The following APOLD1 variants were observed in gnomAD, a reference collection of about 807,000 sequenced individuals.
APOLD1 encodes apolipoprotein L domain containing 1, also known as apolipoprotein L domain-containing protein 1.
APOLD1 carries 22 observed loss-of-function variants against 15.3 expected under a neutral mutation model. That is an observed-to-expected ratio of 1.44 (90% confidence interval 1.03 to 2.05). The LOEUF (loss-of-function observed/expected upper bound fraction) is 2.05. Ranked by LOEUF, APOLD1 falls within the 30% of genes most tolerant of loss-of-function variation. The pLI is 0.00. For synonymous variants in APOLD1, 190 were observed against 167.4 expected (o/e 1.13, Z -1.04); for missense variants, 394 against 353.5 (o/e 1.11, Z -0.92).
intron 1 of APOLD1, among the ~76,000 whole-genome samples, chr12:12,748,560 G>A (rs922126092): frequency 4.6e-5 from 7 of 152,186 alleles, no homozygotes; most frequent in African/African-American, 1.7e-4. Context: ...CATACAATGT[G>A]TGATGATCAG....
intron 1 of APOLD1, among the ~76,000 whole-genome samples, chr12:12,755,845 TAAAC>T (rs1486233602): frequency 1.3e-5 from 2 of 152,092 alleles, no homozygotes; most frequent in African/African-American, 4.8e-5. Flanking sequence ...TGTCTCAAAA[TAAAC>T]AAACAAAAAA....
At chr12:12,758,153 T>G (rs183701383) in intron 1 of APOLD1, among the ~76,000 whole-genome samples, 30 of 150,394 alleles carry the variant, frequency 2.0e-4, no homozygotes, top group Non-Finnish European at 2.8e-4. Flanking sequence ...AGCCAGGATG[T>G]TCTCCATCTC....
upstream of APOLD1, among the ~76,000 whole-genome samples, chr12:12,782,921 G>C (rs1947093643): frequency 2.0e-5 from 3 of 152,192 alleles, no homozygotes; most frequent in Admixed American, 6.5e-5. Context: ...TTAAACAAAT[G>C]CTGGCTGGGC....
intron 1 of APOLD1, among the ~76,000 whole-genome samples, chr12:12,749,964 C>A (rs1175255662): frequency 1.3e-5 from 2 of 152,108 alleles, no homozygotes; most frequent in African/African-American, 4.8e-5. Flanking sequence ...CTTGGAGGCC[C>A]TGAAGGAAAT....
intron 1 of APOLD1, among the ~76,000 whole-genome samples, chr12:12,744,987 TTCTC>T (rs1946754795): frequency 1.3e-5 from 2 of 152,238 alleles, no homozygotes; most frequent in Non-Finnish European, 2.9e-5. Context: ...AAGCTTTTTC[TTCTC>T]TCTACTTCTG....
At chr12:12,779,473 A>G (rs988025667) in intron 1 of APOLD1, among the ~76,000 whole-genome samples, 1 of 152,188 alleles carries the variant, frequency 6.6e-6, no homozygotes, top group African/African-American at 2.4e-5. Context: ...TTCTGCCTCT[A>G]TTCTTACAAA....
rs1034577616 is a variant in APOLD1 at position 12,770,148 on chromosome 12, G to A, written c.97-16761G>A. Among the ~76,000 whole-genome samples, 8 of 152,258 alleles carry A rather than the reference G, an allele frequency of 5.3e-5. No homozygotes were observed. The South Asian group carries it at 8.3e-4, about 16-fold the overall frequency. ...AGAGAGGCCGGGGGCGGTGGCTCACGTCTGTAATCCCAGCACTTTGGGAGG... is the reference window on the plus strand; with the variant it reads ...AGAGAGGCCGGGGGCGGTGGCTCACATCTGTAATCCCAGCACTTTGGGAGG... On this transcript the variant is annotated intron_variant, in intron 1 of 1. Coordinates refer to the APOLD1 transcript ENST00000326765.
intron 1 of APOLD1, among the ~76,000 whole-genome samples, chr12:12,738,155 T>C (rs565132204): frequency 2.0e-5 from 3 of 150,972 alleles, no homozygotes; most frequent in Non-Finnish European, 4.4e-5. Context: ...CTGCCACTCC[T>C]ACACATGAGG....
upstream of APOLD1, among the ~76,000 whole-genome samples, chr12:12,783,888 C>T (rs527845213): frequency 6.6e-6 from 1 of 152,180 alleles, no homozygotes; most frequent in African/African-American, 2.4e-5. Flanking sequence ...CCCTCCTCTG[C>T]CTCCCAAAGT....
chr12:12,755,567 G>A (rs961064568), intron 1 of APOLD1, among the ~76,000 whole-genome samples: 12 of 152,324 alleles, frequency 7.9e-5, no homozygotes, highest in Middle Eastern at 3.4e-3. Flanking sequence ...TCAGCTGGGC[G>A]TGGTGGCTCA....
upstream of APOLD1, among the ~76,000 whole-genome samples, chr12:12,782,266 CAAA>C: frequency 7.4e-6 from 1 of 135,462 alleles, no homozygotes; most frequent in South Asian, 2.1e-4. Flanking sequence ...CTCAAACAAA[CAAA>C]CAAACAAACA....
intron 1 of APOLD1, among the ~76,000 whole-genome samples, chr12:12,750,412 C>G (rs1592295677): frequency 7.4e-6 from 1 of 135,536 alleles, no homozygotes; most frequent in African/African-American, 2.7e-5. Flanking sequence ...GGGGAAGATA[C>G]ATTTTGGACT....
chr12:12,756,961 A>G (rs113399979), intron 1 of APOLD1, among the ~76,000 whole-genome samples: 5 of 152,068 alleles, frequency 3.3e-5, no homozygotes, highest in African/African-American at 1.2e-4. Flanking sequence ...TAATTTTTGT[A>G]TTTTTAGTAG....
At chr12:12,783,368 C>A (rs535913184), upstream of APOLD1, among the ~76,000 whole-genome samples, 3 of 151,496 alleles carry the variant, frequency 2.0e-5, no homozygotes, top group Non-Finnish European at 4.4e-5. Context: ...TGGAGTGCAG[C>A]GGTGTGATCT....
At chr12:12,746,835 T>C (rs1429037753) in intron 1 of APOLD1, among the ~76,000 whole-genome samples, 1 of 152,124 alleles carries the variant, frequency 6.6e-6, no homozygotes, top group Non-Finnish European at 1.5e-5. Flanking sequence ...TCTATTCTTA[T>C]TTTTATGTCT....
chr12:12,778,215 C>G (rs950241709), intron 1 of APOLD1, among the ~76,000 whole-genome samples: 3 of 151,952 alleles, frequency 2.0e-5, no homozygotes, highest in Non-Finnish European at 4.4e-5. Context: ...CAGGTGTGAG[C>G]CACTGTACTT....
At chr12:12,778,205 C>T (rs1947052645) in intron 1 of APOLD1, among the ~76,000 whole-genome samples, 1 of 152,054 alleles carries the variant, frequency 6.6e-6, no homozygotes, top group Non-Finnish European at 1.5e-5. Context: ...GCTGGGATTA[C>T]AGGTGTGAGC....
chr12:12,740,445 A>G (rs1946722466), intron 1 of APOLD1, among the ~76,000 whole-genome samples: 1 of 152,078 alleles, frequency 6.6e-6, no homozygotes, highest in Non-Finnish European at 1.5e-5. Flanking sequence ...TGGACACCCT[A>G]CTTTGCTTCA....
chr12:12,747,066 C>T (rs774130787), intron 1 of APOLD1, among the ~76,000 whole-genome samples: 2 of 152,090 alleles, frequency 1.3e-5, no homozygotes, highest in African/African-American at 4.8e-5. Flanking sequence ...AACCAGGTAG[C>T]GACTTCCGCC....
Sources: gnomAD v4.1 joint callset for allele counts (sites outside exome capture counted in the v4.1 genomes callset) on GRCh38, gnomAD v4.1.1 for gene constraint, MANE v1.5 for transcripts, NCBI Gene and HGNC (gene_info 2026-07-23, HGNC 2026-07-21) for gene names.